Variants in CHFR observed in about 807,000 individuals in gnomAD.
CHFR encodes the protein checkpoint with forkhead and ring finger domains, also known as E3 ubiquitin-protein ligase CHFR.
CHFR carries 57 observed loss-of-function variants against 87.6 expected under a neutral mutation model. The ratio of observed to expected loss-of-function variants is 0.65; its 90% confidence interval spans 0.53 to 0.81. CHFR has a LOEUF of 0.81. Among genes scored for constraint, CHFR ranks in the 30% least tolerant of loss-of-function variants. CHFR has a pLI of 0.00. For missense variants in CHFR, 797 were observed against 865.8 expected (o/e 0.92, Z 1.00); for synonymous variants, 381 against 359.2 (o/e 1.06, Z -0.69).
At chr12:132,845,466 A>T (rs911375139) in intron 15 of CHFR, among the ~76,000 whole-genome samples, 27 of 146,484 alleles carry the variant, frequency 1.8e-4, no homozygotes, top group East Asian at 9.8e-4. Context: ...TCAAAAAAAA[A>T]AATAAATAAA....
intron 5 of CHFR, among the ~76,000 whole-genome samples, chr12:132,870,138 G>C (rs1025575249): frequency 3.3e-5 from 5 of 151,890 alleles, no homozygotes; most frequent in African/African-American, 1.2e-4. Context: ...AGATCACGAG[G>C]TCAGGAGATC....
chr12:132,884,283 G>GT (rs1951835847), intron 2 of CHFR, among the ~76,000 whole-genome samples: 1 of 151,960 alleles, frequency 6.6e-6, no homozygotes, highest in South Asian at 2.1e-4. Context: ...GCTGAGCGTG[G>GT]TAGCACATAC....
Position 132,869,604 on chromosome 12 carries a change from G to A in CHFR, c.583+15C>T. The stretch of plus-strand genomic sequence containing the variant: ...CATGCAACCAGCACCAAGACCTCAT[G>A]AGATGTGACCTCACCACAACTGGAG... On this transcript the variant is annotated intron_variant, in intron 6 of 17. Coordinates refer to ENST00000450056, the MANE Select transcript of CHFR (RefSeq NM_001161346.2). 2 of 1,550,420 alleles carry A rather than the reference G, an allele frequency of 1.3e-6. No homozygotes were observed. Among genetic ancestry groups the A allele is most frequent in the Non-Finnish European group, 1.7e-6 (2 of 1,145,946 alleles).
At chr12:132,848,209 AC>A (rs1236724813) in intron 13 of CHFR, 54 bp from the exon 14 acceptor site, 1 of 1,613,612 alleles carries the variant, frequency 6.2e-7, no homozygotes, top group Non-Finnish European at 8.5e-7. Context: ...GCAGGAAAGC[AC>A]TGTCTGCCCG....
intron 3 of CHFR, among the ~76,000 whole-genome samples, chr12:132,873,770 G>T (rs1156746163): frequency 6.6e-6 from 1 of 152,066 alleles, no homozygotes; most frequent in Non-Finnish European, 1.5e-5. Flanking sequence ...CATGCAGGGG[G>T]CTGGAGCCAA....
intron 3 of CHFR, among the ~76,000 whole-genome samples, chr12:132,875,619 G>A (rs777937873): frequency 2.0e-5 from 3 of 152,034 alleles, no homozygotes; most frequent in Non-Finnish European, 2.9e-5. Flanking sequence ...GCGAGACTCC[G>A]TCTCAAAAAA....
At chr12:132,872,109 C>T (rs1462869015) in intron 4 of CHFR, 176 bp downstream of exon 4, 27 of 539,574 alleles carry the variant, frequency 5.0e-5, no homozygotes, top group East Asian at 3.9e-4. Context: ...GCTGCAAAGT[C>T]GACACTCCCA....
intron 10 of CHFR, 95 bp from the exon 11 acceptor site, chr12:132,853,668 C>T: frequency 2.9e-6 from 4 of 1,378,216 alleles, no homozygotes; most frequent in Non-Finnish European, 3.8e-6. Flanking sequence ...AGCTCAGCTC[C>T]ACCGTCGCTC....
Position 132,832,719 on chromosome 12 carries a change from TG to T in CHFR, c.*8834del, listed in dbSNP as rs1432434360. On this transcript the variant is annotated 3_prime_UTR_variant, in exon 18 of 18. Coordinates refer to ENST00000450056, the MANE Select transcript of CHFR (RefSeq NM_001161346.2). The stretch of plus-strand genomic sequence containing the variant: ...CATATACTAAGTTGATGGCACAGTG[TG>T]GGAAAAATGCTAATCTAAGTAAAAT... The T allele has an allele frequency of 2.6e-5, 4 of 152,338 alleles. No homozygotes were observed. Among genetic ancestry groups the T allele is most frequent in the African/African-American group, 9.6e-5 (4 of 41,592 alleles). The allele number at this position is 152,338 out of a possible 1,614,324, so 9.4% of individuals were successfully genotyped here. A position where few individuals can be genotyped will look rare whatever the true frequency, so the allele number is the denominator to read the frequency against.
intron 2 of CHFR, among the ~76,000 whole-genome samples, chr12:132,880,305 T>C (rs930943213): frequency 1.3e-5 from 2 of 152,014 alleles, no homozygotes; most frequent in Non-Finnish European, 2.9e-5. Context: ...ACTTCGCAGA[T>C]AGGATATAAA....
intron 6 of CHFR, chr12:132,861,874 C>T (rs937522307): frequency 4.0e-6 from 2 of 504,502 alleles, no homozygotes; most frequent in East Asian, 3.2e-5. Flanking sequence ...GAAACAAATG[C>T]GGAGATGTCT....
chr12:132,863,622 G>T (rs1346572628), intron 6 of CHFR, among the ~76,000 whole-genome samples: 1 of 152,226 alleles, frequency 6.6e-6, no homozygotes, highest in Non-Finnish European at 1.5e-5. Flanking sequence ...TGCTGCGTGT[G>T]AACTATTTTA....
rs866044009 is a variant in CHFR, at chr12:132,850,303, G to A, written c.1492+1315C>T. ...TAAACCCTCGCTAAAATTCTCACAG[G>A]ATTGAGTCCTTAAGTCTTATAACGC... is the stretch of plus-strand genomic sequence containing the variant. On this transcript the variant is annotated intron_variant, in intron 12 of 17. Transcript: ENST00000450056. Among the ~76,000 whole-genome samples the A allele has an allele frequency of 5.3e-5, 8 of 152,246 alleles. No homozygotes were observed. In the Middle Eastern group the frequency reaches 0.01, roughly 194 times the overall value.
chr12:132,865,131 A>G (rs1285575685), intron 6 of CHFR, among the ~76,000 whole-genome samples: 2 of 152,160 alleles, frequency 1.3e-5, no homozygotes, highest in Non-Finnish European at 2.9e-5. Context: ...TGCACTTGAA[A>G]CGCTGTGGGC....
intron 10 of CHFR, 166 bp from the exon 11 acceptor site, chr12:132,853,739 G>C (rs1467167740): frequency 5.3e-6 from 4 of 761,876 alleles, no homozygotes; most frequent in Non-Finnish European, 7.9e-6. Context: ...CAGTGTTAGA[G>C]AGGGACCAGA....
chr12:132,884,107 A>C (rs538555507), intron 2 of CHFR, among the ~76,000 whole-genome samples: 1 of 151,732 alleles, frequency 6.6e-6, no homozygotes, highest in Non-Finnish European at 1.5e-5. Context: ...GTGACAGAGT[A>C]AGACTCCGTC....
At chr12:132,875,122 T>A (rs1271233550) in intron 3 of CHFR, among the ~76,000 whole-genome samples, 2 of 152,248 alleles carry the variant, frequency 1.3e-5, no homozygotes, top group Non-Finnish European at 2.9e-5. Context: ...CCTTTCCCAT[T>A]GTGCCAAGAA....
Position 132,834,386 on chromosome 12 carries a change from C to CTGGA in CHFR, c.*7164_*7167dup, listed in dbSNP as rs1045171510. On this transcript the variant is annotated 3_prime_UTR_variant, in exon 18 of 18. Coordinates refer to ENST00000450056, the MANE Select transcript of CHFR (RefSeq NM_001161346.2). ...CCAACCACAGCACCTCTGAGACAGA[C>CTGGA]TGGACCCTTCCTGAAAACAAAAACC... is the stretch of plus-strand genomic sequence containing the variant. 6.6e-6 allele frequency: 1 copy of CTGGA among 152,380 alleles called. No homozygotes were observed. The highest frequency in any genetic ancestry group is 2.4e-5 in the African/African-American group (1 of 41,448). 9.4% of individuals were successfully genotyped at this position (152,380 alleles called of 1,614,324 possible).
chr12:132,854,891 G>C (rs1951030879), intron 10 of CHFR: 1 of 152,098 alleles, frequency 6.6e-6, no homozygotes, highest in South Asian at 2.1e-4. Context: ...AATCACCTGA[G>C]GTCAGGAGTT....
Sources: gnomAD v4.1 joint callset for allele counts (sites outside exome capture counted in the v4.1 genomes callset) on GRCh38, gnomAD v4.1.1 for gene constraint, MANE v1.5 for transcripts, NCBI Gene and HGNC (gene_info 2026-07-23, HGNC 2026-07-21) for gene names.